CDH18: variants seen among roughly 807,000 people sequenced by gnomAD.
CDH18 encodes the protein cadherin 18, also known as cadherin-18.
CDH18 carries 31 observed loss-of-function variants against 67.9 expected under a neutral mutation model. The ratio of observed to expected loss-of-function variants is 0.46; its 90% CI spans 0.34 to 0.62. The LOEUF (loss-of-function observed/expected upper bound fraction) is 0.62. Ranked by LOEUF, CDH18 falls within the 20% of genes least tolerant of loss-of-function variation. CDH18 has a pLI of 0.01. For missense variants in CDH18, 890 were observed against 975.5 expected (o/e 0.91, Z 1.17); for synonymous variants, 362 against 347.2 (o/e 1.04, Z -0.48).
At chr5:20,422,512 T>A (rs1747942187) in intron 1 of CDH18, among the ~76,000 whole-genome samples, 1 of 151,110 alleles carries the variant, frequency 6.6e-6, no homozygotes, top group South Asian at 2.1e-4. Context: ...AAATGTGTTG[T>A]TTTCTGTGAA....
chr5:19,697,437 G>T (rs1179684138), intron 5 of CDH18, among the ~76,000 whole-genome samples: 2 of 152,146 alleles, frequency 1.3e-5, no homozygotes, highest in African/African-American at 4.8e-5. Context: ...GTTATTGTAA[G>T]TGGTTTATAT....
chr5:20,254,478 A>C (rs2126608276), intron 2 of CDH18, among the ~76,000 whole-genome samples: 1 of 152,320 alleles, frequency 6.6e-6, no homozygotes, highest in South Asian at 2.1e-4. Context: ...CTAACTTCAT[A>C]GGTGCAGAAG....
chr5:20,106,187 G>A (rs111875289), intron 2 of CDH18, among the ~76,000 whole-genome samples: 1 of 152,032 alleles, frequency 6.6e-6, no homozygotes, highest in Non-Finnish European at 1.5e-5. Flanking sequence ...CCAACTCTAC[G>A]AGTTTCATAA....
intron 2 of CDH18, among the ~76,000 whole-genome samples, chr5:20,133,050 T>C (rs891429303): frequency 4.6e-5 from 7 of 152,150 alleles, no homozygotes; most frequent in African/African-American, 1.2e-4. Flanking sequence ...TCTCTTCTTA[T>C]ATTATTTTCC....
At chr5:20,106,483 A>G (rs1350930707) in intron 2 of CDH18, among the ~76,000 whole-genome samples, 1 of 152,206 alleles carries the variant, frequency 6.6e-6, no homozygotes, top group Non-Finnish European at 1.5e-5. Context: ...GAACTAACAA[A>G]TGACACCTTA....
intron 2 of CDH18, among the ~76,000 whole-genome samples, chr5:20,075,874 T>C (rs898662496): frequency 6.6e-5 from 10 of 152,030 alleles, no homozygotes; most frequent in Admixed American, 4.6e-4. Flanking sequence ...ATAAAAATAA[T>C]TGAGTATTTC....
intron 1 of CDH18, among the ~76,000 whole-genome samples, chr5:20,385,881 G>A (rs925190284): frequency 6.6e-6 from 1 of 152,078 alleles, no homozygotes; most frequent in Non-Finnish European, 1.5e-5. Context: ...AGTTAAATTT[G>A]TGTTTTACTT....
intron 5 of CDH18, among the ~76,000 whole-genome samples, chr5:19,667,531 TAC>T (rs1758144382): frequency 8.1e-6 from 1 of 123,078 alleles, no homozygotes; most frequent in African/African-American, 2.7e-5. Flanking sequence ...CACACACACA[TAC>T]ACACACATAA....
chr5:20,178,723 T>C (rs1737441363), intron 2 of CDH18, among the ~76,000 whole-genome samples: 1 of 152,070 alleles, frequency 6.6e-6, no homozygotes. Context: ...TACGTTGTAA[T>C]TTGCAGTTCT....
intron 2 of CDH18, among the ~76,000 whole-genome samples, chr5:20,170,486 CTAAG>C (rs1283617625): frequency 1.3e-5 from 2 of 151,724 alleles, no homozygotes; most frequent in African/African-American, 4.8e-5. Context: ...GAGAAATATT[CTAAG>C]TGTTAAATAA....
intron 1 of CDH18, among the ~76,000 whole-genome samples, chr5:20,571,429 C>T (rs1212816188): frequency 1.3e-5 from 2 of 152,004 alleles, no homozygotes; most frequent in African/African-American, 4.8e-5. Context: ...CAATATATAG[C>T]ATCGGAATTC....
chr5:20,422,893 G>A (rs372324864), intron 1 of CDH18, among the ~76,000 whole-genome samples: 4 of 151,132 alleles, frequency 2.6e-5, no homozygotes, highest in African/African-American at 9.9e-5. Flanking sequence ...TGGTTGGGAA[G>A]GTTGGTTTAT....
intron 5 of CDH18, among the ~76,000 whole-genome samples, chr5:19,716,062 G>A (rs1298031984): frequency 1.3e-5 from 2 of 151,872 alleles, no homozygotes; most frequent in East Asian, 1.9e-4. Context: ...GACGTGATCC[G>A]TCCACCTGGG....
chr5:20,555,633 C>T (rs4315924), intron 1 of CDH18, among the ~76,000 whole-genome samples: 59,742 of 151,154 alleles, frequency 0.4, 13,203 homozygotes, highest in East Asian at 0.55. Flanking sequence ...ATTCCTGACA[C>T]ACAGAATCTT....
chr5:20,015,236 G>A (rs897722001), intron 2 of CDH18, among the ~76,000 whole-genome samples: 3 of 152,016 alleles, frequency 2.0e-5, no homozygotes, highest in Non-Finnish European at 4.4e-5. Context: ...GTTTCCCATA[G>A]GTCCCACGTT....
intron 5 of CDH18, among the ~76,000 whole-genome samples, chr5:19,655,122 G>A (rs1174543580): frequency 2.0e-5 from 3 of 152,140 alleles, no homozygotes; most frequent in Non-Finnish European, 2.9e-5. Context: ...CCAGGGAACT[G>A]CCCTCTTTTA....
chr5:19,591,145 G>A lies in CDH18; in HGVS notation c.911C>T (p.Thr304Ile), dbSNP rs1208291610. 6.2e-7 allele frequency: 1 copy of A among 1,611,850 alleles called. No individual in the cohort carries two copies. The highest frequency in any genetic ancestry group is 1.7e-5 in the Admixed American group (1 of 59,828). The change falls in exon 7 of 13, where the codon ACC becomes ATC. Residue 304 changes from threonine to isoleucine, a missense_variant. Thr to Ile is a moderately conservative substitution (Grantham distance 89). Transcript: ENST00000382275. ...DADTGSNADM[T>I]YSIINGDGMG... ...GCCATCACCATTTATGATGGAGTAG[G>A]TCATGTCAGCATTTGAGCCAGTGTC...
intron 8 of CDH18, among the ~76,000 whole-genome samples, chr5:19,565,753 C>T (rs985535197): frequency 3.3e-5 from 5 of 152,212 alleles, no homozygotes; most frequent in Non-Finnish European, 5.9e-5. Flanking sequence ...TCTATGAACT[C>T]ACACTGTGAA....
intron 1 of CDH18, among the ~76,000 whole-genome samples, chr5:20,545,048 T>C (rs148474253): frequency 1.3e-5 from 2 of 152,294 alleles, no homozygotes; most frequent in Non-Finnish European, 2.9e-5. Context: ...ACAGAACCCA[T>C]GCAAGTATGA....
Sources: allele counts gnomAD v4.1 joint callset (sites outside exome capture counted in the v4.1 genomes callset), GRCh38; gene constraint gnomAD v4.1.1; transcripts MANE v1.5; gene names NCBI Gene and HGNC (gene_info 2026-07-23, HGNC 2026-07-21).